The following ENTHD1 variants were observed in gnomAD, a reference collection of about 807,000 sequenced individuals.
ENTHD1 encodes the protein ENTH domain containing 1.
ENTHD1 carries 23 observed loss-of-function variants against 39.1 expected under a neutral mutation model. That is an observed-to-expected ratio of 0.59 (90% CI 0.42 to 0.83). ENTHD1 has a LOEUF of 0.83. Among genes scored for constraint, ENTHD1 ranks in the 40% least tolerant of loss-of-function variants. The pLI is 0.00. For synonymous variants in ENTHD1, 230 were observed against 258.2 expected (o/e 0.89, Z 1.05); for missense variants, 624 against 705.4 (o/e 0.88, Z 1.31).
chr22:39,824,724 G>A (rs2065813569), intron 4 of ENTHD1, among the ~76,000 whole-genome samples: 2 of 152,158 alleles, frequency 1.3e-5, no homozygotes, highest in African/African-American at 4.8e-5. Flanking sequence ...AGTTGGCCAT[G>A]TTTGTGTGTG....
At chr22:39,829,790 C>CAATAAATAAATAAATAAATAAATA (rs10657076) in intron 4 of ENTHD1, among the ~76,000 whole-genome samples, 35 of 143,404 alleles carry the variant, frequency 2.4e-4, no homozygotes, top group East Asian at 1.6e-3. Context: ...GACTCTGTCT[C>CAATAAATAAATAAATAAATAAATA]AATAAATAAA....
intron 5 of ENTHD1, among the ~76,000 whole-genome samples, chr22:39,810,037 G>A (rs2146630618): frequency 6.6e-6 from 1 of 152,190 alleles, no homozygotes; most frequent in African/African-American, 2.4e-5. Flanking sequence ...GTCATTATAG[G>A]GGATTCATGG....
intron 5 of ENTHD1, among the ~76,000 whole-genome samples, chr22:39,815,366 C>A (rs1379766837): frequency 1.3e-5 from 2 of 151,560 alleles, no homozygotes; most frequent in Admixed American, 6.6e-5. Flanking sequence ...TCGCTTGAAT[C>A]TGGGAGGTAG....
intron 5 of ENTHD1, among the ~76,000 whole-genome samples, chr22:39,810,969 C>T (rs1490612118): frequency 6.6e-6 from 1 of 152,128 alleles, no homozygotes; most frequent in Admixed American, 6.5e-5. Flanking sequence ...GATGTCTGTC[C>T]CACAGAGCAA....
chr22:39,817,721 C>G (rs1397701771), intron 5 of ENTHD1, among the ~76,000 whole-genome samples: 1 of 151,766 alleles, frequency 6.6e-6, no homozygotes, highest in Non-Finnish European at 1.5e-5. Context: ...AATTATGATA[C>G]AAAATTATAA....
At chr22:39,805,402 G>A (rs1411836324) in intron 5 of ENTHD1, among the ~76,000 whole-genome samples, 2 of 152,164 alleles carry the variant, frequency 1.3e-5, no homozygotes, top group African/African-American at 2.4e-5. Context: ...CAGTTTTTGC[G>A]CATTAGAGAA....
intron 5 of ENTHD1, among the ~76,000 whole-genome samples, chr22:39,799,923 T>C (rs961174738): frequency 6.6e-6 from 1 of 152,160 alleles, no homozygotes; most frequent in Non-Finnish European, 1.5e-5. Context: ...ATGCAGGGGC[T>C]GTTAGGTCCC....
At chr22:39,755,486 G>A (rs2065178119) in intron 6 of ENTHD1, among the ~76,000 whole-genome samples, 1 of 152,198 alleles carries the variant, frequency 6.6e-6, no homozygotes, top group Non-Finnish European at 1.5e-5. Context: ...CACTGTTTAA[G>A]TTGGGGAATA....
chr22:39,822,082 C>T (rs1272069807), intron 4 of ENTHD1, among the ~76,000 whole-genome samples: 1 of 152,134 alleles, frequency 6.6e-6, no homozygotes, highest in East Asian at 1.9e-4. Context: ...TCATCAATTA[C>T]CATAAACTGT....
At chr22:39,755,580 C>T (rs1329015229) in intron 6 of ENTHD1, among the ~76,000 whole-genome samples, 1 of 152,064 alleles carries the variant, frequency 6.6e-6, no homozygotes, top group Non-Finnish European at 1.5e-5. Flanking sequence ...CTGCATCATT[C>T]CTTTGCTTGG....
intron 2 of ENTHD1, among the ~76,000 whole-genome samples, chr22:39,883,857 A>C (rs1442077521): frequency 6.8e-6 from 1 of 147,624 alleles, no homozygotes; most frequent in African/African-American, 2.5e-5. Context: ...CTGTCCCACA[A>C]AAAAAAAAAA....
intron 6 of ENTHD1, among the ~76,000 whole-genome samples, chr22:39,764,822 A>G (rs905119595): frequency 1.1e-4 from 16 of 151,638 alleles, no homozygotes; most frequent in African/African-American, 3.9e-4. Context: ...GCACACATAC[A>G]CCCGTGTGTA....
At chr22:39,890,160 G>A (rs928354729) in intron 1 of ENTHD1, among the ~76,000 whole-genome samples, 1 of 150,906 alleles carries the variant, frequency 6.6e-6, no homozygotes, top group African/African-American at 2.4e-5. Context: ...AAAAGAAAAT[G>A]TATTAAATAT....
In ENTHD1 at chr22:39,743,800, G is replaced by C. The variant is rs1044205938; in HGVS notation, c.1703C>G (p.Thr568Arg). ...GATGACATTAAGTTCTTGGATCACT[G>C]TGCTCAGATCTTCATGTAATCTAGC... ...AIARLHEDLS[T>R]VIQELNVINN... is the part of the protein sequence containing the mutation. The change falls in exon 7 of 7, where the codon ACA (threonine) becomes AGA (arginine). Residue 568 changes from threonine (T) to arginine (R), a missense_variant. Transcript: ENST00000325157. 2 of 1,613,980 alleles carry C rather than the reference G, an allele frequency of 1.2e-6. No homozygotes were observed. The highest frequency in any genetic ancestry group is 3.3e-5 in the Admixed American group (2 of 60,000).
chr22:39,796,545 A>G (rs560994697), intron 5 of ENTHD1, among the ~76,000 whole-genome samples: 2 of 152,134 alleles, frequency 1.3e-5, no homozygotes, highest in Non-Finnish European at 2.9e-5. Context: ...GCTGAATTAC[A>G]GGTGAGCCAC....
chr22:39,753,305 G>C (rs907334769), intron 6 of ENTHD1, among the ~76,000 whole-genome samples: 10 of 152,236 alleles, frequency 6.6e-5, no homozygotes, highest in Middle Eastern at 3.4e-3. Flanking sequence ...TCCTTTTCTT[G>C]TGTACATGAT....
intron 5 of ENTHD1, among the ~76,000 whole-genome samples, chr22:39,768,014 G>T (rs1393742252): frequency 2.0e-5 from 3 of 152,020 alleles, no homozygotes; most frequent in Non-Finnish European, 4.4e-5. Context: ...CCTAGAAGAA[G>T]CCAAATGAAA....
intron 3 of ENTHD1, among the ~76,000 whole-genome samples, chr22:39,848,853 A>T (rs915683682): frequency 1.3e-5 from 2 of 152,164 alleles, no homozygotes; most frequent in Non-Finnish European, 2.9e-5. Context: ...TAAACGTTTC[A>T]AAGTTTTGCC....
rs1304588665 is a variant in ENTHD1 at position 39,861,942 on chromosome 22, T to C, written c.415A>G (p.Lys139Glu). The change falls in exon 3 of 7, where the codon AAA becomes GAA. Residue 139 changes from lysine to glutamate, a missense_variant. Lys to Glu is a moderately conservative substitution (Grantham distance 56, BLOSUM62 1). Coordinates refer to ENST00000325157, the MANE Select transcript of ENTHD1 (RefSeq NM_152512.4). ...TLLMDEPLLC[K>E]EREVACRTRQ... ...GTCCGACATGCCACTTCCCTCTCTT[T>C]ACACAGCAATGGTTCATCCATCAGC... 2.5e-6 allele frequency: 4 copies of C among 1,590,404 alleles called. No individual in the cohort carries two copies. Among genetic ancestry groups the C allele is most frequent in the African/African-American group, 1.3e-5 (1 of 74,754 alleles).
Sources: allele counts gnomAD v4.1 joint callset (sites outside exome capture counted in the v4.1 genomes callset), GRCh38; gene constraint gnomAD v4.1.1; transcripts MANE v1.5; gene names NCBI Gene and HGNC (gene_info 2026-07-23, HGNC 2026-07-21).